The following KIAA1217 variants were observed in gnomAD, a reference collection of about 807,000 sequenced individuals.
The protein encoded by KIAA1217 is KIAA1217.
Under a neutral mutation model 163.9 loss-of-function variants are expected in KIAA1217, and 88 were observed. The ratio of observed to expected loss-of-function variants is 0.54; its 90% CI spans 0.45 to 0.64. The LOEUF is 0.64. Among genes scored for constraint, KIAA1217 ranks in the 30% least tolerant of loss-of-function variants. KIAA1217 has a pLI of 0.00. For synonymous variants in KIAA1217, 903 were observed against 923.1 expected (o/e 0.98, Z 0.39); for missense variants, 2,372 against 2,475.0 (o/e 0.96, Z 0.88).
At chr10:24,080,083 C>T (rs1461680702) in intron 2 of KIAA1217, among the ~76,000 whole-genome samples, 5 of 152,196 alleles carry the variant, frequency 3.3e-5, no homozygotes, top group Non-Finnish European at 7.3e-5. Flanking sequence ...TGGGCAGTGC[C>T]CCCACATCCT....
chr10:24,415,453 A>G (rs2058164834), intron 3 of KIAA1217, among the ~76,000 whole-genome samples: 1 of 151,716 alleles, frequency 6.6e-6, no homozygotes, highest in Non-Finnish European at 1.5e-5. Flanking sequence ...CTGTACTTCC[A>G]CTAGCAGTGA....
intron 3 of KIAA1217, among the ~76,000 whole-genome samples, chr10:24,428,325 T>C (rs1336790486): frequency 6.6e-6 from 1 of 152,176 alleles, no homozygotes; most frequent in Non-Finnish European, 1.5e-5. Context: ...TGATCTGTGA[T>C]CAGACAGGCT....
chr10:24,333,418 G>A (rs79199397), intron 2 of KIAA1217, among the ~76,000 whole-genome samples: 8,377 of 152,148 alleles, frequency 0.055, 747 homozygotes, highest in African/African-American at 0.19. Flanking sequence ...TCCTCAAAGC[G>A]TATCTTTTTC....
intron 2 of KIAA1217, among the ~76,000 whole-genome samples, chr10:24,122,850 A>C (rs2063333123): frequency 6.6e-6 from 1 of 151,948 alleles, no homozygotes; most frequent in Non-Finnish European, 1.5e-5. Context: ...CCCCATGGTC[A>C]TGCCGATTTC....
Position 24,419,172 on chromosome 10 carries a change from CAA to C in KIAA1217, c.554-13806_554-13805del, listed in dbSNP as rs71397949. On this transcript the variant is annotated intron_variant, in intron 3 of 20. Transcript: ENST00000376454. ...GTGGCAACAGAGCAAGACTCGTCTC[CAA>C]AAAAAAAAAAAAAAAAGAAAGAAAA... Among the ~76,000 whole-genome samples the C allele has an allele frequency of 2.4e-4, 20 of 82,564 alleles. 1 individual carries two copies. The highest frequency in any genetic ancestry group is 8.2e-4 in the South Asian group (2 of 2,452). The allele number at this position is 82,564 out of a possible 152,430, so 54.2% of individuals were successfully genotyped here.
At chr10:24,198,813 T>C (rs1014132095) in intron 2 of KIAA1217, among the ~76,000 whole-genome samples, 2 of 152,198 alleles carry the variant, frequency 1.3e-5, no homozygotes, top group Admixed American at 6.5e-5. Flanking sequence ...TGGGGCTTAA[T>C]AGTTTTTTGA....
At chr10:23,840,827 A>G (rs1838741103) in intron 1 of KIAA1217, among the ~76,000 whole-genome samples, 1 of 152,228 alleles carries the variant, frequency 6.6e-6, no homozygotes, top group African/African-American at 2.4e-5. Flanking sequence ...CAGAACTGAT[A>G]ATGATCGACT....
chr10:24,370,741 C>A (rs1472758882), intron 2 of KIAA1217, among the ~76,000 whole-genome samples: 1 of 152,098 alleles, frequency 6.6e-6, no homozygotes, highest in Non-Finnish European at 1.5e-5. Context: ...CACCACGACT[C>A]CTGGCTAATT....
At chr10:24,149,471 T>G (rs944443376) in intron 2 of KIAA1217, among the ~76,000 whole-genome samples, 1 of 151,566 alleles carries the variant, frequency 6.6e-6, no homozygotes, top group Non-Finnish European at 1.5e-5. Context: ...GTCATGAGCC[T>G]CCATGCCTGG....
At chr10:24,276,546 G>A (rs1462349352) in intron 2 of KIAA1217, among the ~76,000 whole-genome samples, 2 of 151,806 alleles carry the variant, frequency 1.3e-5, no homozygotes, top group Non-Finnish European at 2.9e-5. Flanking sequence ...CTGGACTCAA[G>A]TGATGCTCCC....
At chr10:24,105,396 G>A (rs1487091141) in intron 2 of KIAA1217, among the ~76,000 whole-genome samples, 2 of 152,166 alleles carry the variant, frequency 1.3e-5, no homozygotes, top group African/African-American at 4.8e-5. Flanking sequence ...GGATGTACTG[G>A]GAGATATTCA....
At chr10:23,784,452 G>A (rs981982513) in intron 1 of KIAA1217, among the ~76,000 whole-genome samples, 2 of 152,064 alleles carry the variant, frequency 1.3e-5, no homozygotes, top group Non-Finnish European at 2.9e-5. Flanking sequence ...TTGCTGATAA[G>A]TAAAGACTTA....
chr10:24,370,394 A>C (rs923785684), intron 2 of KIAA1217, among the ~76,000 whole-genome samples: 1 of 152,220 alleles, frequency 6.6e-6, no homozygotes, highest in African/African-American at 2.4e-5. Context: ...CATTAAATTT[A>C]CTTTCAAGCT....
At chr10:24,092,328 C>T (rs1479607855) in intron 2 of KIAA1217, among the ~76,000 whole-genome samples, 1 of 151,776 alleles carries the variant, frequency 6.6e-6, no homozygotes, top group Non-Finnish European at 1.5e-5. Context: ...GATCCTACCA[C>T]CTCACCAAAC....
chr10:24,125,956 C>T (rs1280463238), intron 2 of KIAA1217, among the ~76,000 whole-genome samples: 1 of 152,058 alleles, frequency 6.6e-6, no homozygotes, highest in South Asian at 2.1e-4. Flanking sequence ...TTTGTCTCTG[C>T]CTGCTTTTAA....
At chr10:24,090,164 CT>C (rs1162687231) in intron 2 of KIAA1217, among the ~76,000 whole-genome samples, 13,611 of 109,322 alleles carry the variant, frequency 0.12, 1,779 homozygotes, top group African/African-American at 0.4. Context: ...TTTTCTTTTT[CT>C]TTTTTTTTTT....
intron 2 of KIAA1217, among the ~76,000 whole-genome samples, chr10:24,372,528 G>T (rs2051817186): frequency 6.6e-6 from 1 of 152,082 alleles, no homozygotes; most frequent in Non-Finnish European, 1.5e-5. Flanking sequence ...TGGGACTGTT[G>T]GGTCAGTTTC....
intron 4 of KIAA1217, 27 bp downstream of exon 4, chr10:24,433,220 G>T: frequency 5.1e-6 from 8 of 1,565,528 alleles, no homozygotes; most frequent in Non-Finnish European, 7.0e-6. Flanking sequence ...TTTTTTGCCT[G>T]CCATTTTGCC....
chr10:24,296,078 A>T (rs2040562544), intron 2 of KIAA1217, among the ~76,000 whole-genome samples: 1 of 152,066 alleles, frequency 6.6e-6, no homozygotes, highest in South Asian at 2.1e-4. Flanking sequence ...CCCATCTCAG[A>T]TATGTGGGAT....
Sources: gnomAD v4.1 joint callset for allele counts (sites outside exome capture counted in the v4.1 genomes callset) on GRCh38, gnomAD v4.1.1 for gene constraint, MANE v1.5 for transcripts, NCBI Gene and HGNC (gene_info 2026-07-23, HGNC 2026-07-21) for gene names.